Variants in FBN1 observed in about 807,000 individuals in gnomAD.
The protein encoded by FBN1 is fibrillin-1.
A neutral mutation model predicts 365.1 loss-of-function variants in FBN1; 29 were observed. That is an observed-to-expected ratio of 0.08 (90% CI 0.06 to 0.11). FBN1 has a LOEUF of 0.11. FBN1 is among the 10% of genes least tolerant of loss of function. The pLI, the probability that FBN1 is intolerant of heterozygous loss-of-function variation, is 1.00. For missense variants in FBN1, 2,476 were observed against 3,703.2 expected, an observed-to-expected ratio of 0.67 and a Z score of 8.60; for synonymous variants, 1,210 against 1,270.5, an observed-to-expected ratio of 0.95 and a Z score of 1.01.
chr15:48,492,557 C>A lies in FBN1; in HGVS notation c.2758G>T (p.Val920Leu). The change falls in exon 24 of 66, where the codon GTG becomes TTG. Residue 920 changes from valine (V) to leucine (L), a missense_variant. Coordinates refer to ENST00000316623, the MANE Select transcript of FBN1 (RefSeq NM_000138.5). ...TTAACACACAGGCCATTTTTACACA[C>A]TCCTGGGAACACTTCACATTCATCT... ...DIDECEVFPG[V>L]CKNGLCVNTR... 1.2e-6 allele frequency: 2 copies of A among 1,608,536 alleles called. No individual in the cohort carries two copies. Among genetic ancestry groups the A allele is most frequent in the Non-Finnish European group, 8.5e-7 (1 of 1,175,456 alleles).
In FBN1 at chr15:48,605,017, T is replaced by C. The variant is rs528767653; in HGVS notation, c.347-4783A>G. Among the ~76,000 whole-genome samples the C allele has an allele frequency of 6.6e-5, 10 of 152,308 alleles. No homozygotes were observed. In the South Asian group the frequency reaches 2.1e-3, roughly 32 times the overall value. On this transcript the variant is annotated intron_variant, in intron 4 of 65. Coordinates refer to ENST00000316623, the MANE Select transcript of FBN1 (RefSeq NM_000138.5). ...GCGACTGGTCCTGCTGACACTCTCATTGAATTGAAGTAAATTAAATGAGAA... is the reference window on the plus strand; with the variant it reads ...GCGACTGGTCCTGCTGACACTCTCACTGAATTGAAGTAAATTAAATGAGAA...
chr15:48,589,469 A>G lies in FBN1; in HGVS notation c.538+6814T>C, dbSNP rs531523567. 7.2e-5 allele frequency among the ~76,000 whole-genome samples: 11 copies of G among 152,272 alleles called. 1 individual carries two copies. The South Asian group carries it at 1.5e-3, about 20-fold the overall frequency. ...ACAAAAAAACGAGTGTGTGTGTCAA[A>G]AGATGCAATTCCTGGAACTATTCTA... On this transcript the variant is annotated intron_variant, in intron 6 of 65. Transcript: ENST00000316623.
intron 50 of FBN1, among the ~76,000 whole-genome samples, chr15:48,438,717 G>A (rs2043091303): frequency 6.6e-6 from 1 of 152,094 alleles, no homozygotes; most frequent in African/African-American, 2.4e-5. Context: ...TTATTGCTTT[G>A]ATGACTCCAA....
chr15:48,621,275 G>C (rs1021795585), intron 2 of FBN1, among the ~76,000 whole-genome samples: 1 of 152,204 alleles, frequency 6.6e-6, no homozygotes, highest in African/African-American at 2.4e-5. Context: ...AGTATAAAGG[G>C]AGGGGGAGGA....
At chr15:48,488,736 C>G (rs1056593715) in intron 25 of FBN1, among the ~76,000 whole-genome samples, 1 of 152,162 alleles carries the variant, frequency 6.6e-6, no homozygotes, top group Non-Finnish European at 1.5e-5. Context: ...ATTCAGACTT[C>G]TAGGGCCCAG....
Position 48,487,195 on chromosome 15 carries a change from T to C in FBN1, c.3469A>G (p.Asn1157Asp). ...SPNISACIDI[N>D]ECELSAHLCP... Reference sequence around the variant, plus strand: ...AGGTGTGCACTCAGCTCACATTCATTGATGTCTGTCGGGAAAATAAGAAGA... The same window carrying C: ...AGGTGTGCACTCAGCTCACATTCATCGATGTCTGTCGGGAAAATAAGAAGA... The change falls in exon 29 of 66, where the codon AAT becomes GAT. Residue 1157 changes from asparagine to aspartate, a missense_variant. By Grantham distance (23) the Asn-to-Asp change is conservative. Around this residue, in one of 5 missense-constraint regions of FBN1, gnomAD observed 1,780 missense variants for 2,840.8 expected, o/e 0.63. Coordinates refer to ENST00000316623, the MANE Select transcript of FBN1 (RefSeq NM_000138.5). 6.2e-7 allele frequency: 1 copy of C among 1,614,152 alleles called. No individual in the cohort carries two copies. The highest frequency in any genetic ancestry group is 8.5e-7 in the Non-Finnish European group (1 of 1,180,006).
At chr15:48,639,799 G>A (rs1890166907) in intron 2 of FBN1, among the ~76,000 whole-genome samples, 2 of 152,118 alleles carry the variant, frequency 1.3e-5, no homozygotes, top group Non-Finnish European at 2.9e-5. Flanking sequence ...GCTTAAGCAG[G>A]CCCATTTGCT....
In FBN1 at chr15:48,467,921, G is replaced by A. The variant is rs1280999767; in HGVS notation, c.4747+17C>T. On this transcript the variant is annotated intron_variant, in intron 38 of 65. Coordinates refer to ENST00000316623, the MANE Select transcript of FBN1 (RefSeq NM_000138.5). ...GCTGGAGTTGAAATAATAATAAATA[G>A]GAGGATGTCCACTTACATGTGTTCA... The A allele has an allele frequency of 6.2e-7, 1 of 1,607,226 alleles. No individual in the cohort carries two copies.
At position 48,504,985 on chromosome 15, in the gene FBN1, C is replaced by T. The variant is rs775989153; in HGVS notation, c.1960+40G>A. On this transcript the variant is annotated intron_variant, in intron 16 of 65. Transcript: ENST00000316623. ...ATTGGGCTTTATTGAGTGACAGAGG[C>T]TGAACCTCTCTCATAAGGTTAGCCA... 3.1e-6 allele frequency: 5 copies of T among 1,612,916 alleles called. No homozygotes were observed. The East Asian group carries it at 1.1e-4, about 36-fold the overall frequency.
intron 6 of FBN1, among the ~76,000 whole-genome samples, chr15:48,564,279 C>T (rs1359801558): frequency 6.6e-6 from 1 of 152,156 alleles, no homozygotes. Flanking sequence ...CTTGAGAAGG[C>T]TTTTTATTGT....
chr15:48,494,390 G>C (rs2043586336), intron 22 of FBN1, 136 bp from the exon 23 acceptor site: 1 of 717,306 alleles, frequency 1.4e-6, no homozygotes, highest in Admixed American at 2.1e-5. Context: ...ATAAGTATGA[G>C]ATAACAAAAT....
intron 8 of FBN1, chr15:48,529,127 G>C (rs2043944031): frequency 6.6e-6 from 1 of 152,218 alleles, no homozygotes; most frequent in African/African-American, 2.4e-5. Flanking sequence ...TCAAATGCCA[G>C]CCATGAAAGC....
chr15:48,624,324 C>T (rs1166881698), intron 2 of FBN1, among the ~76,000 whole-genome samples: 1 of 152,196 alleles, frequency 6.6e-6, no homozygotes, highest in African/African-American at 2.4e-5. Flanking sequence ...TAGAAAATTA[C>T]ACCACCAGAA....
At chr15:48,449,605 G>A (rs1309085572) in intron 45 of FBN1, among the ~76,000 whole-genome samples, 5 of 151,912 alleles carry the variant, frequency 3.3e-5, no homozygotes, top group Admixed American at 6.6e-5. Flanking sequence ...GATTATCTGA[G>A]GGGCAGAATT....
chr15:48,422,898 G>T (rs2042954011), intron 60 of FBN1, among the ~76,000 whole-genome samples: 1 of 152,154 alleles, frequency 6.6e-6, no homozygotes, highest in Non-Finnish European at 1.5e-5. Context: ...CTGCACTCCA[G>T]CCTGGGCAAC....
intron 6 of FBN1, among the ~76,000 whole-genome samples, chr15:48,568,900 CATG>C (rs1264594797): frequency 6.6e-6 from 1 of 151,930 alleles, no homozygotes; most frequent in Admixed American, 6.5e-5. Flanking sequence ...TAGAAGAAAA[CATG>C]AGAAAAATTT....
rs1315421898 is a variant in FBN1, at chr15:48,489,401, T to C, written c.3082+450A>G. The stretch of plus-strand genomic sequence containing the variant: ...GCTTCTTGTACACTAGAAAACTGCA[T>C]ACATGTAACATGTGACCTGAGTTTC... On this transcript the variant is annotated intron_variant, in intron 25 of 65. Coordinates refer to ENST00000316623, the MANE Select transcript of FBN1 (RefSeq NM_000138.5). Among the ~76,000 whole-genome samples the C allele has an allele frequency of 2.0e-5, 3 of 151,982 alleles. No individual in the cohort carries two copies. The East Asian group carries it at 5.8e-4, about 29-fold the overall frequency.
chr15:48,466,533 TG>T (rs1243576636), intron 38 of FBN1, among the ~76,000 whole-genome samples: 3 of 152,250 alleles, frequency 2.0e-5, no homozygotes, highest in African/African-American at 7.2e-5. Context: ...TGAATAAGAA[TG>T]TCTGTAACCT....
chr15:48,615,349 A>C (rs928071127), intron 2 of FBN1, among the ~76,000 whole-genome samples: 3 of 152,224 alleles, frequency 2.0e-5, no homozygotes, highest in East Asian at 3.8e-4. Flanking sequence ...GTCTGACAAA[A>C]ATATGTATGT....
Sources: gnomAD v4.1 joint callset for allele counts (sites outside exome capture counted in the v4.1 genomes callset) on GRCh38, gnomAD v4.1.1 for gene constraint, gnomAD v4.1.1 regional missense constraint, MANE v1.5 for transcripts, NCBI Gene and HGNC (gene_info 2026-07-23, HGNC 2026-07-21) for gene names.